The following NPAS3 variants were observed in gnomAD, a reference collection of about 807,000 sequenced individuals.
The protein encoded by NPAS3 is neuronal PAS domain-containing protein 3.
Under a neutral mutation model 73.1 loss-of-function variants are expected in NPAS3, and 14 were observed. The ratio of observed to expected loss-of-function variants is 0.19; its 90% CI spans 0.13 to 0.30. The LOEUF is 0.30. Among genes scored for constraint, NPAS3 ranks in the 10% least tolerant of loss-of-function variants. The probability of loss-of-function intolerance (pLI) is 1.00; values close to 1 mark genes in which losing one functional copy is unlikely to be tolerated. For synonymous variants in NPAS3, 620 were observed against 541.5 expected (o/e 1.14, Z -2.01); for missense variants, 1,096 against 1,250.0 (o/e 0.88, Z 1.86).
At chr14:33,351,997 TAACA>T (rs1327539878) in intron 3 of NPAS3, among the ~76,000 whole-genome samples, 12 of 152,180 alleles carry the variant, frequency 7.9e-5, no homozygotes, top group African/African-American at 2.7e-4. Flanking sequence ...TATACCTATG[TAACA>T]AACCTGCACG....
intron 4 of NPAS3, among the ~76,000 whole-genome samples, chr14:33,547,995 A>C (rs2054926199): frequency 6.6e-6 from 1 of 152,258 alleles, no homozygotes; most frequent in African/African-American, 2.4e-5. Flanking sequence ...CTACTGTAGT[A>C]ATGAAAGTAA....
chr14:33,242,964 G>T (rs1337474326), intron 3 of NPAS3, among the ~76,000 whole-genome samples: 1 of 152,036 alleles, frequency 6.6e-6, no homozygotes, highest in Admixed American at 6.6e-5. Context: ...TATATTTGAA[G>T]GCTTTTAAAC....
At chr14:33,440,618 C>A (rs368495094) in intron 4 of NPAS3, among the ~76,000 whole-genome samples, 2 of 152,150 alleles carry the variant, frequency 1.3e-5, no homozygotes, top group African/African-American at 4.8e-5. Flanking sequence ...CTTGGCCAGG[C>A]GTGGTGGCTC....
intron 3 of NPAS3, among the ~76,000 whole-genome samples, chr14:33,223,000 G>T (rs1490511088): frequency 6.6e-6 from 1 of 152,090 alleles, no homozygotes; most frequent in Non-Finnish European, 1.5e-5. Context: ...CATCAACGTG[G>T]TTCTCCGTGT....
At chr14:32,962,508 C>T (rs2036967757) in intron 1 of NPAS3, among the ~76,000 whole-genome samples, 2 of 151,048 alleles carry the variant, frequency 1.3e-5, no homozygotes, top group South Asian at 4.2e-4. Flanking sequence ...GCTAAAATTT[C>T]AGAGTTTATA....
At chr14:33,235,061 A>G (rs1444879953) in intron 3 of NPAS3, among the ~76,000 whole-genome samples, 3 of 152,128 alleles carry the variant, frequency 2.0e-5, no homozygotes, top group Admixed American at 2.0e-4. Context: ...TAAATGAAGG[A>G]CTATGCATTA....
intron 3 of NPAS3, among the ~76,000 whole-genome samples, chr14:33,227,209 A>G (rs1296153258): frequency 1.3e-5 from 2 of 152,130 alleles, no homozygotes; most frequent in South Asian, 2.1e-4. Context: ...TATATCTTCT[A>G]TGGATACTGA....
chr14:33,522,775 G>A (rs2140113395), intron 4 of NPAS3, among the ~76,000 whole-genome samples: 1 of 152,168 alleles, frequency 6.6e-6, no homozygotes, highest in South Asian at 2.1e-4. Flanking sequence ...GAAAGCCAAG[G>A]AAAATAGTTA....
chr14:33,437,133 G>C (rs1486841231), intron 4 of NPAS3, among the ~76,000 whole-genome samples: 1 of 152,192 alleles, frequency 6.6e-6, no homozygotes, highest in Non-Finnish European at 1.5e-5. Flanking sequence ...GCAGGAGTTA[G>C]GTGATTGATA....
intron 3 of NPAS3, among the ~76,000 whole-genome samples, chr14:33,236,470 T>A (rs2048037757): frequency 6.6e-6 from 1 of 152,182 alleles, no homozygotes; most frequent in African/African-American, 2.4e-5. Flanking sequence ...TGCATTTCTC[T>A]TCATGAAACG....
chr14:33,158,706 A>G (rs904713103), intron 2 of NPAS3, among the ~76,000 whole-genome samples: 1 of 152,302 alleles, frequency 6.6e-6, no homozygotes, highest in African/African-American at 2.4e-5. Context: ...AAGAGGAAAC[A>G]GCTAGTGCAA....
At chr14:33,466,267 G>A (rs1469731812) in intron 4 of NPAS3, among the ~76,000 whole-genome samples, 6 of 152,166 alleles carry the variant, frequency 3.9e-5, no homozygotes. Context: ...GGGTCATTCT[G>A]CTGGAGACCC....
At chr14:33,430,867 G>GTAAA (rs2048755981) in intron 4 of NPAS3, among the ~76,000 whole-genome samples, 1 of 152,180 alleles carries the variant, frequency 6.6e-6, no homozygotes, top group Admixed American at 6.5e-5. Context: ...AGAAGCTGAG[G>GTAAA]GGTTTAAGCA....
intron 3 of NPAS3, among the ~76,000 whole-genome samples, chr14:33,242,644 G>T (rs554274752): frequency 6.6e-6 from 1 of 152,178 alleles, no homozygotes; most frequent in East Asian, 1.9e-4. Flanking sequence ...AAGATCATAT[G>T]TGGCTTTTTC....
chr14:33,165,427 C>T (rs866055635), intron 2 of NPAS3, among the ~76,000 whole-genome samples: 1 of 151,940 alleles, frequency 6.6e-6, no homozygotes, highest in Non-Finnish European at 1.5e-5. Flanking sequence ...ACAGAGAATT[C>T]GTTCCAATGC....
intron 3 of NPAS3, among the ~76,000 whole-genome samples, chr14:33,245,061 G>T (rs1330287106): frequency 6.6e-6 from 1 of 152,128 alleles, no homozygotes; most frequent in Non-Finnish European, 1.5e-5. Context: ...GTAGCTGAAG[G>T]CTTTTATGGG....
At chr14:32,966,831 C>T (rs1246045453) in intron 1 of NPAS3, among the ~76,000 whole-genome samples, 2 of 150,374 alleles carry the variant, frequency 1.3e-5, no homozygotes, top group South Asian at 2.1e-4. Flanking sequence ...TATGAGAAAG[C>T]GTAGGGGAAA....
At chr14:33,799,088 T>C (rs896305165) in intron 11 of NPAS3, among the ~76,000 whole-genome samples, 3 of 151,710 alleles carry the variant, frequency 2.0e-5, no homozygotes, top group African/African-American at 7.3e-5. Flanking sequence ...AAGGTTGCAG[T>C]GAGCAGTGAC....
chr14:33,343,645 G>A (rs1264751124), intron 3 of NPAS3, among the ~76,000 whole-genome samples: 1 of 152,144 alleles, frequency 6.6e-6, no homozygotes, highest in East Asian at 1.9e-4. Context: ...GTAATTAGGG[G>A]GACATCTTGA....
Sources: allele counts gnomAD v4.1 joint callset (sites outside exome capture counted in the v4.1 genomes callset), GRCh38; gene constraint gnomAD v4.1.1; transcripts MANE v1.5; gene names NCBI Gene and HGNC (gene_info 2026-07-23, HGNC 2026-07-21).